The following CCSER1 variants were observed in gnomAD, a reference collection of about 807,000 sequenced individuals.
CCSER1 encodes the protein coiled-coil serine rich protein 1, also known as serine-rich coiled-coil domain-containing protein 1.
A neutral mutation model predicts 82.0 loss-of-function variants in CCSER1; 41 were observed. The ratio of observed to expected loss-of-function variants is 0.50; its 90% confidence interval spans 0.39 to 0.65. The LOEUF is 0.65. CCSER1 is among the 30% of genes least tolerant of loss of function. CCSER1 has a pLI of 0.00. For synonymous variants in CCSER1, 414 were observed against 383.9 expected, an observed-to-expected ratio of 1.08 and a Z score of -0.92; for missense variants, 1,119 against 1,064.2, an observed-to-expected ratio of 1.05 and a Z score of -0.72.
At chr4:91,196,108 AC>A (rs1202407576) in intron 10 of CCSER1, among the ~76,000 whole-genome samples, 1 of 148,714 alleles carries the variant, frequency 6.7e-6, no homozygotes, top group Non-Finnish European at 1.5e-5. Context: ...AATGGCATGA[AC>A]CCGGGAGGCG....
At chr4:91,229,536 G>A (rs1738457822) in intron 10 of CCSER1, among the ~76,000 whole-genome samples, 1 of 152,050 alleles carries the variant, frequency 6.6e-6, no homozygotes, top group Non-Finnish European at 1.5e-5. Flanking sequence ...ACATGCACAT[G>A]TATGTTTATT....
At chr4:90,545,003 T>C (rs1560694342) in intron 5 of CCSER1, among the ~76,000 whole-genome samples, 1 of 152,170 alleles carries the variant, frequency 6.6e-6, no homozygotes, top group Admixed American at 6.5e-5. Context: ...TGGCTGTTAA[T>C]GTCTAGATGT....
chr4:91,362,819 G>A (rs1749341142), intron 10 of CCSER1, among the ~76,000 whole-genome samples: 2 of 151,632 alleles, frequency 1.3e-5, no homozygotes, highest in East Asian at 1.9e-4. Flanking sequence ...AGCTCATCCT[G>A]TTTCTCTTCA....
intron 6 of CCSER1, chr4:90,664,022 T>C (rs1731278908): frequency 6.0e-6 from 1 of 167,632 alleles, no homozygotes; most frequent in Non-Finnish European, 1.3e-5. Flanking sequence ...TCTATTTAGT[T>C]AATAAGAAAT....
chr4:91,545,874 G>T (rs1323522128), intron 10 of CCSER1, among the ~76,000 whole-genome samples: 1 of 152,078 alleles, frequency 6.6e-6, no homozygotes, highest in Non-Finnish European at 1.5e-5. Context: ...ATCTTAGAAA[G>T]AAAACTTAAA....
At chr4:91,418,994 C>T (rs892398837) in intron 10 of CCSER1, among the ~76,000 whole-genome samples, 2 of 151,926 alleles carry the variant, frequency 1.3e-5, no homozygotes, top group African/African-American at 4.8e-5. Flanking sequence ...CAGTAAAAAT[C>T]ATATGATCAT....
At chr4:90,223,898 A>G (rs750585710) in intron 1 of CCSER1, among the ~76,000 whole-genome samples, 7 of 152,332 alleles carry the variant, frequency 4.6e-5, no homozygotes, top group Non-Finnish European at 1.0e-4. Flanking sequence ...ATTCTTCACA[A>G]TTAGACCTTT....
chr4:90,224,483 A>G (rs1342297597), intron 1 of CCSER1, among the ~76,000 whole-genome samples: 5 of 152,188 alleles, frequency 3.3e-5, no homozygotes, highest in Admixed American at 2.6e-4. Context: ...AATATTTTAG[A>G]TAGTTTGTTC....
intron 8 of CCSER1, among the ~76,000 whole-genome samples, chr4:90,914,887 C>T (rs1482920233): frequency 6.6e-6 from 1 of 152,146 alleles, no homozygotes; most frequent in Non-Finnish European, 1.5e-5. Context: ...CCATAAACAC[C>T]TCTTCACAGA....
chr4:90,218,067 C>G (rs1741438286), intron 1 of CCSER1, among the ~76,000 whole-genome samples: 2 of 152,144 alleles, frequency 1.3e-5, no homozygotes, highest in Non-Finnish European at 2.9e-5. Flanking sequence ...TCCCAAAGTT[C>G]TGGGATTACA....
chr4:90,157,014 G>A (rs1445163450), intron 1 of CCSER1, among the ~76,000 whole-genome samples: 1 of 152,218 alleles, frequency 6.6e-6, no homozygotes, highest in Non-Finnish European at 1.5e-5. Flanking sequence ...GCTGGTACCT[G>A]TTGTTCCTTT....
At chr4:90,246,640 G>C (rs566548106) in intron 1 of CCSER1, among the ~76,000 whole-genome samples, 1 of 152,086 alleles carries the variant, frequency 6.6e-6, no homozygotes, top group Non-Finnish European at 1.5e-5. Flanking sequence ...AATGAAAACA[G>C]ATGGATGCAA....
intron 5 of CCSER1, among the ~76,000 whole-genome samples, chr4:90,485,604 ATG>A (rs920173604): frequency 6.7e-6 from 1 of 149,464 alleles, no homozygotes; most frequent in African/African-American, 2.5e-5. Flanking sequence ...CCATATACCT[ATG>A]TGTCATGGGG....
chr4:91,240,311 C>T (rs2149129190), intron 10 of CCSER1, among the ~76,000 whole-genome samples: 1 of 64,200 alleles, frequency 1.6e-5, no homozygotes, highest in African/African-American at 9.3e-5. Context: ...CTTCTGACCA[C>T]GTGATCCCCC....
intron 5 of CCSER1, among the ~76,000 whole-genome samples, chr4:90,500,103 T>C (rs1769629003): frequency 6.6e-6 from 1 of 152,160 alleles, no homozygotes; most frequent in Non-Finnish European, 1.5e-5. Context: ...ATAAAGACCC[T>C]GGCGTTTGAA....
At chr4:90,946,058 T>C (rs550676408) in intron 9 of CCSER1, among the ~76,000 whole-genome samples, 2 of 152,258 alleles carry the variant, frequency 1.3e-5, no homozygotes, top group African/African-American at 4.8e-5. Context: ...TATGCCACTT[T>C]TCAAAAAATA....
At chr4:90,982,581 A>G (rs1243266720) in intron 9 of CCSER1, among the ~76,000 whole-genome samples, 1 of 151,800 alleles carries the variant, frequency 6.6e-6, no homozygotes, top group East Asian at 1.9e-4. Context: ...GGGCAAAGGA[A>G]AGGCTGCTAT....
chr4:91,365,708 T>C (rs1749565670), intron 10 of CCSER1, among the ~76,000 whole-genome samples: 1 of 152,210 alleles, frequency 6.6e-6, no homozygotes, highest in African/African-American at 2.4e-5. Context: ...CAATACTAAT[T>C]GTCAGTCACT....
intron 10 of CCSER1, among the ~76,000 whole-genome samples, chr4:91,088,082 T>C (rs1027867185): frequency 3.3e-5 from 5 of 152,146 alleles, no homozygotes; most frequent in African/African-American, 1.2e-4. Context: ...CTAGGATGTG[T>C]GTGCATAACA....
Sources: allele counts gnomAD v4.1 joint callset (sites outside exome capture counted in the v4.1 genomes callset), GRCh38; gene constraint gnomAD v4.1.1; transcripts MANE v1.5; gene names NCBI Gene and HGNC (gene_info 2026-07-23, HGNC 2026-07-21).